Variants in FOXP1 observed in about 807,000 individuals in gnomAD.
The protein encoded by FOXP1 is forkhead box P1.
In FOXP1, 15 loss-of-function variants were observed where a neutral mutation model predicts 98.2. The ratio of observed to expected loss-of-function variants is 0.15; its 90% CI spans 0.10 to 0.24. The LOEUF is 0.24. Among genes scored for constraint, FOXP1 ranks in the 10% least tolerant of loss-of-function variants. FOXP1 has a pLI of 1.00. For missense variants in FOXP1, 633 were observed against 848.5 expected (o/e 0.75, Z 3.15); for synonymous variants, 371 against 314.5 (o/e 1.18, Z -1.90).
intron 3 of FOXP1, among the ~76,000 whole-genome samples, chr3:71,359,670 T>G (rs1381402419): frequency 1.3e-5 from 2 of 152,186 alleles, no homozygotes. Context: ...TACCTTGAAC[T>G]ATAGGTGTGC....
chr3:71,538,887 G>A (rs139942990), intron 2 of FOXP1, among the ~76,000 whole-genome samples: 74 of 152,150 alleles, frequency 4.9e-4, no homozygotes, highest in African/African-American at 1.7e-3. Context: ...TCTTTTGCAC[G>A]TGAATATACT....
intron 6 of FOXP1, among the ~76,000 whole-genome samples, chr3:71,136,759 G>A (rs773455805): frequency 5.9e-5 from 9 of 151,774 alleles, no homozygotes; most frequent in Admixed American, 5.3e-4. Context: ...TTTTGCATAC[G>A]CAATTGAAGA....
At chr3:71,146,755 C>A (rs2060327173) in intron 6 of FOXP1, among the ~76,000 whole-genome samples, 1 of 152,194 alleles carries the variant, frequency 6.6e-6, no homozygotes, top group Non-Finnish European at 1.5e-5. Context: ...AATAGTGAGA[C>A]TCTGAGGCAG....
chr3:71,164,349 G>A (rs896483863), intron 6 of FOXP1, among the ~76,000 whole-genome samples: 1 of 151,974 alleles, frequency 6.6e-6, no homozygotes, highest in South Asian at 2.1e-4. Context: ...ACAGGCGCCC[G>A]CCACCACGCC....
chr3:71,093,302 GAAC>G (rs2056096901), intron 7 of FOXP1, among the ~76,000 whole-genome samples: 1 of 140,178 alleles, frequency 7.1e-6, no homozygotes, highest in South Asian at 2.4e-4. Flanking sequence ...AAAAGCAAAA[GAAC>G]ATTCTAGATA....
intron 4 of FOXP1, among the ~76,000 whole-genome samples, chr3:71,307,945 G>C (rs2074392423): frequency 1.3e-5 from 2 of 152,192 alleles, no homozygotes; most frequent in African/African-American, 4.8e-5. Context: ...CGACAATCCA[G>C]GTAAGGGATC....
chr3:71,161,735 A>C (rs2061147346), intron 6 of FOXP1, among the ~76,000 whole-genome samples: 1 of 152,338 alleles, frequency 6.6e-6, no homozygotes, highest in East Asian at 1.9e-4. Context: ...CTTTACAGAG[A>C]ATAACCAAAT....
rs551318880 is a variant in FOXP1 at position 71,233,694 on chromosome 3, C to G, written c.-11-35302G>C. Among the ~76,000 whole-genome samples the G allele has an allele frequency of 4.0e-5, 6 of 151,720 alleles. No individual in the cohort carries two copies. The East Asian group carries it at 1.2e-3, about 29-fold the overall frequency. The stretch of plus-strand genomic sequence containing the variant: ...CTGCCTGCCTCGGCCTCGCACCCCC[C>G]CAGCTGGTGCTATAGTTTTATACAT... On this transcript the variant is annotated intron_variant, in intron 5 of 20. Coordinates refer to ENST00000649528, the MANE Select transcript of FOXP1 (RefSeq NM_001349338.3).
chr3:71,168,393 A>G (rs1469873668), intron 6 of FOXP1, among the ~76,000 whole-genome samples: 1 of 152,198 alleles, frequency 6.6e-6, no homozygotes, highest in East Asian at 1.9e-4. Context: ...CACTATTATT[A>G]AACTGGAAAG....
At chr3:71,129,661 G>A (rs1218742821) in intron 6 of FOXP1, among the ~76,000 whole-genome samples, 1 of 152,126 alleles carries the variant, frequency 6.6e-6, no homozygotes, top group Non-Finnish European at 1.5e-5. Flanking sequence ...TGTGGAGGGA[G>A]GGGAGAGAGG....
intron 2 of FOXP1, among the ~76,000 whole-genome samples, chr3:71,497,888 G>A (rs6798507): frequency 0.56 from 84,772 of 151,994 alleles, 24,954 homozygotes; most frequent in Non-Finnish European, 0.64. Context: ...AAAGCCCATT[G>A]AAATATTTTA....
chr3:70,977,922 G>A lies in FOXP1; in HGVS notation c.1254C>T (p.Thr418=). 2 of 1,614,164 alleles carry A rather than the reference G, an allele frequency of 1.2e-6. No homozygotes were observed. Among genetic ancestry groups the A allele is most frequent in the Non-Finnish European group, 1.7e-6 (2 of 1,180,036 alleles). The change falls in exon 15 of 21, where the codon ACC becomes ACT. Residue 418 remains threonine, a synonymous_variant. Transcript: ENST00000649528. ...TGGTTGTGATGACAGAGGGGCCTTG[G>A]GTGACGGGAGTCAGGGGGGCGGTTG... The part of the protein sequence containing the change: ...TTPTAPLTPV[T]QGPSVITTTS...
Position 71,367,696 on chromosome 3 carries a change from G to A in FOXP1, c.-167-8452C>T, listed in dbSNP as rs2079019048. 2.0e-5 allele frequency among the ~76,000 whole-genome samples: 3 copies of A among 152,102 alleles called. No individual in the cohort carries two copies. In the South Asian group the frequency reaches 6.2e-4, roughly 32 times the overall value. ...GTTTTCCTCCACCGAATATATCATG[G>A]ATCATTTTTCATATCATTTTCTGGA... On this transcript the variant is annotated intron_variant, in intron 3 of 20. Transcript: ENST00000649528.
intron 5 of FOXP1, among the ~76,000 whole-genome samples, chr3:71,201,277 T>G (rs959244664): frequency 1.3e-5 from 2 of 152,236 alleles, no homozygotes; most frequent in African/African-American, 4.8e-5. Flanking sequence ...AAAAAAGAAA[T>G]GAATTAGTGA....
chr3:71,006,282 A>G (rs879710389), intron 12 of FOXP1, among the ~76,000 whole-genome samples: 5 of 152,094 alleles, frequency 3.3e-5, no homozygotes, highest in African/African-American at 4.8e-5. Flanking sequence ...AAAAAATCTA[A>G]TGATACTTCA....
chr3:71,339,325 T>C (rs928203162), intron 4 of FOXP1, among the ~76,000 whole-genome samples: 1 of 152,212 alleles, frequency 6.6e-6, no homozygotes, highest in Non-Finnish European at 1.5e-5. Flanking sequence ...TCCAAACATC[T>C]TTACCACTGT....
intron 2 of FOXP1, among the ~76,000 whole-genome samples, chr3:71,554,518 G>A (rs972603936): frequency 6.6e-6 from 1 of 152,014 alleles, no homozygotes; most frequent in African/African-American, 2.4e-5. Flanking sequence ...TTAATTTGTT[G>A]TTTGATTCCG....
At chr3:71,569,248 A>G (rs964010392) in intron 2 of FOXP1, among the ~76,000 whole-genome samples, 3 of 152,252 alleles carry the variant, frequency 2.0e-5, no homozygotes, top group African/African-American at 7.2e-5. Context: ...CAAGGAGCTG[A>G]GAGTCTGAAC....
chr3:71,423,557 C>T (rs1054642009), intron 3 of FOXP1, among the ~76,000 whole-genome samples: 12 of 152,238 alleles, frequency 7.9e-5, no homozygotes, highest in Admixed American at 4.6e-4. Context: ...CCCCTGCTGG[C>T]TGGCATGCTC....
Sources: allele counts gnomAD v4.1 joint callset (sites outside exome capture counted in the v4.1 genomes callset), GRCh38; gene constraint gnomAD v4.1.1; transcripts MANE v1.5; gene names NCBI Gene and HGNC (gene_info 2026-07-23, HGNC 2026-07-21).